The following MPRIP variants were observed in gnomAD, a reference collection of about 807,000 sequenced individuals.
MPRIP encodes myosin phosphatase Rho-interacting protein.
Under a neutral mutation model 234.9 loss-of-function variants are expected in MPRIP, and 59 were observed. The ratio of observed to expected loss-of-function variants is 0.25; its 90% CI spans 0.20 to 0.31. The LOEUF (loss-of-function observed/expected upper bound fraction) is 0.31. Among genes scored for constraint, MPRIP ranks in the 10% least tolerant of loss-of-function variants. The probability of loss-of-function intolerance (pLI) is 1.00; values close to 1 mark genes in which losing one functional copy is unlikely to be tolerated. For synonymous variants in MPRIP, 1,144 were observed against 1,263.9 expected, an observed-to-expected ratio of 0.91 and a Z score of 2.01; for missense variants, 2,436 against 3,071.0, an observed-to-expected ratio of 0.79 and a Z score of 4.89.
intron 1 of MPRIP, among the ~76,000 whole-genome samples, chr17:17,050,335 AGAG>A (rs1429588156): frequency 6.9e-6 from 1 of 144,978 alleles, no homozygotes; most frequent in East Asian, 2.0e-4. Context: ...AAAAAAAAAA[AGAG>A]GTGAAATTAA....
chr17:17,134,548 G>T (rs985612423), intron 5 of MPRIP, among the ~76,000 whole-genome samples: 2 of 152,212 alleles, frequency 1.3e-5, no homozygotes, highest in Non-Finnish European at 2.9e-5. Flanking sequence ...TCTGCTGGCA[G>T]CCCTAAGCTG....
chr17:17,164,651 A>T lies in MPRIP; in HGVS notation c.3060A>T (p.Arg1020Ser). Residue 1020 changes from arginine (R) to serine (S), a missense_variant, in exon 16 of 24, where the codon AGA becomes AGT. Arg to Ser is a moderately radical substitution (Grantham distance 110). Around this residue, in one of 4 missense-constraint regions of MPRIP, gnomAD observed 1,998 missense variants for 2,520.3 expected, o/e 0.79. Transcript: ENST00000651222. ...AQRLMEEKLQ[R>S]NYELLLESCE... Reference sequence around the variant, plus strand: ...GGCTGATGGAGGAGAAGCTGCAGAGAAACTATGAGCTGCTGCTGGAGAGCT... The same window carrying T: ...GGCTGATGGAGGAGAAGCTGCAGAGTAACTATGAGCTGCTGCTGGAGAGCT... 8.1e-7 allele frequency: 1 copy of T among 1,234,122 alleles called. No homozygotes were observed. Among genetic ancestry groups the T allele is most frequent in the South Asian group, 1.4e-5 (1 of 69,418 alleles). 76.4% of individuals were successfully genotyped at this position (1,234,122 alleles called of 1,614,324 possible). A position where few individuals can be genotyped will look rare whatever the true frequency, so the allele number is the denominator to read the frequency against.
intron 3 of MPRIP, among the ~76,000 whole-genome samples, chr17:17,096,301 GTGTGTGTGTGTGT>G (rs1567711925): frequency 7.5e-5 from 2 of 26,500 alleles, no homozygotes; most frequent in Non-Finnish European, 1.7e-4. Flanking sequence ...GTGTGTGTGT[GTGTGTGTGTGTGT>G]GTGTGTGTGT....
chr17:17,048,689 T>C (rs2088435691), intron 1 of MPRIP, among the ~76,000 whole-genome samples: 1 of 152,190 alleles, frequency 6.6e-6, no homozygotes, highest in Admixed American at 6.5e-5. Flanking sequence ...ATATAACATG[T>C]TGGCGAGGAT....
intron 3 of MPRIP, among the ~76,000 whole-genome samples, chr17:17,115,409 T>A (rs1232031147): frequency 6.6e-6 from 1 of 151,782 alleles, no homozygotes; most frequent in Admixed American, 6.6e-5. Context: ...AGAGGTGGGG[T>A]GTAGAGGGCC....
chr17:17,084,978 G>A (rs1209558376), intron 3 of MPRIP, among the ~76,000 whole-genome samples: 1 of 152,230 alleles, frequency 6.6e-6, no homozygotes, highest in African/African-American at 2.4e-5. Context: ...GACAGGAAGG[G>A]GCAAGACAGG....
chr17:17,142,533 G>A, intron 7 of MPRIP, 94 bp from the exon 8 acceptor site: 1 of 1,466,486 alleles, frequency 6.8e-7, no homozygotes, highest in South Asian at 1.3e-5. Context: ...AGGGGAATCA[G>A]GCCCGGGCCA....
intron 22 of MPRIP, among the ~76,000 whole-genome samples, chr17:17,178,974 A>G (rs538925926): frequency 6.6e-6 from 1 of 152,298 alleles, no homozygotes; most frequent in African/African-American, 2.4e-5. Flanking sequence ...ACACCTGTGA[A>G]TAGGCACTGC....
intron 3 of MPRIP, among the ~76,000 whole-genome samples, chr17:17,105,506 G>T (rs1310421593): frequency 6.6e-6 from 1 of 152,212 alleles, no homozygotes; most frequent in Admixed American, 6.5e-5. Flanking sequence ...TAGAGGTGAG[G>T]TCCCTGTTCA....
intron 12 of MPRIP, 81 bp downstream of exon 12, chr17:17,150,314 C>T: frequency 9.9e-7 from 1 of 1,011,942 alleles, no homozygotes; most frequent in Non-Finnish European, 1.6e-6. Context: ...GGGCTGGGGG[C>T]ACTTCTGGAC....
rs776973104 is a variant in MPRIP at position 17,184,856 on chromosome 17, T to C, written c.7240T>C (p.Leu2414=). ...GGAAGGCCTGACGGTGCAAGAACGG[T>C]TGAAGCTCTTTGAATCCAGGGACTT... ...LKEGLTVQER[L]KLFESRDLKK... Residue 2414 remains leucine, a synonymous_variant, in exon 24 of 24, where the codon TTG becomes CTG. Transcript: ENST00000651222. The C allele has an allele frequency of 1.2e-6, 2 of 1,613,102 alleles. No homozygotes were observed. Among genetic ancestry groups the C allele is most frequent in the Admixed American group, 1.7e-5 (1 of 59,986 alleles).
intron 1 of MPRIP, among the ~76,000 whole-genome samples, chr17:17,070,268 A>G (rs2089161188): frequency 6.6e-6 from 1 of 151,858 alleles, no homozygotes. Flanking sequence ...TTATCCTTTG[A>G]TGTTCACTAA....
rs1226535388 is a variant in MPRIP at position 17,107,162 on chromosome 17, C to T, written c.268-19540C>T. Among the ~76,000 whole-genome samples the T allele has an allele frequency of 2.6e-5, 4 of 152,338 alleles. No homozygotes were observed. The East Asian group carries it at 7.7e-4, about 29-fold the overall frequency. On this transcript the variant is annotated intron_variant, in intron 3 of 23. Transcript: ENST00000651222. ...GTGTCGGGATTTAATGGGCTCTAGC[C>T]CCCTGCCCCTCCCTTTAGAGTGAGG...
chr17:17,145,060 T>A (rs113120049), intron 9 of MPRIP, among the ~76,000 whole-genome samples: 1,823 of 152,314 alleles, frequency 0.012, 26 homozygotes, highest in Non-Finnish European at 0.017. Flanking sequence ...CAAGGACAGT[T>A]GCACAGCTTG....
chr17:17,164,880 G>T lies in MPRIP; in HGVS notation c.3289G>T (p.Ala1097Ser). The part of the protein sequence containing the change: ...EAREASVRRL[A>S]EHVQSLCDER... The stretch of plus-strand genomic sequence containing the variant: ...ACGAGAGGCCAGCGTGCGCAGGCTC[G>T]CAGAGCACGTGCAGAGCCTCTGTGA... Residue 1097 changes from alanine (A) to serine (S), a missense_variant, in exon 16 of 24, where the codon GCA becomes TCA. Transcript: ENST00000651222. The T allele has an allele frequency of 1.5e-6, 2 of 1,303,880 alleles. No homozygotes were observed. The highest frequency in any genetic ancestry group is 2.0e-6 in the Non-Finnish European group (2 of 988,790). The allele number at this position is 1,303,880 out of a possible 1,614,324, so 80.8% of individuals were successfully genotyped here.
chr17:17,154,187 C>T (rs988295141), intron 12 of MPRIP, 119 bp from the exon 13 acceptor site: 17 of 810,132 alleles, frequency 2.1e-5, no homozygotes, highest in African/African-American at 6.7e-5. Context: ...AGAAGGGTCA[C>T]CCAGTCACAG....
At chr17:17,109,403 G>A (rs1478985337) in intron 3 of MPRIP, among the ~76,000 whole-genome samples, 1 of 152,330 alleles carries the variant, frequency 6.6e-6, no homozygotes, top group Admixed American at 6.5e-5. Context: ...CAATGCCTGT[G>A]TACTGGGATT....
intron 1 of MPRIP, among the ~76,000 whole-genome samples, chr17:17,068,160 T>C (rs1046839982): frequency 2.0e-5 from 3 of 152,178 alleles, no homozygotes; most frequent in Non-Finnish European, 4.4e-5. Context: ...TTTTGTTTTT[T>C]GTTTTTTGAG....
Position 17,138,694 on chromosome 17 carries a change from A to C in MPRIP, c.1250+265A>C, listed in dbSNP as rs1411864166. On this transcript the variant is annotated intron_variant, in intron 7 of 23. Transcript: ENST00000651222. The surrounding 1 kb of genome is among the most constrained non-coding windows in gnomAD (Gnocchi z 5.8). ...CAGTGCCTCCTAGGACTGGGACCTT[A>C]AGGTTCCCTGATGGGTTCTCAGCTG... Among the ~76,000 whole-genome samples, 1 of 152,146 alleles carries C rather than the reference A, an allele frequency of 6.6e-6. No homozygotes were observed. Among genetic ancestry groups the C allele is most frequent in the Non-Finnish European group, 1.5e-5 (1 of 68,018 alleles).
Sources: gnomAD v4.1 joint callset for allele counts (sites outside exome capture counted in the v4.1 genomes callset) on GRCh38, gnomAD v4.1.1 for gene constraint, gnomAD v4.1.1 regional missense constraint, Gnocchi (gnomAD v3.1) non-coding constraint, MANE v1.5 for transcripts, NCBI Gene and HGNC (gene_info 2026-07-23, HGNC 2026-07-21) for gene names.